The following IKZF3 variants were observed in gnomAD, a reference collection of about 807,000 sequenced individuals.
IKZF3 encodes IKAROS family zinc finger 3.
IKZF3 carries 10 observed loss-of-function variants against 49.0 expected under a neutral mutation model. That is an observed-to-expected ratio of 0.20 (90% CI 0.13 to 0.35). IKZF3 has a LOEUF of 0.35. Among genes scored for constraint, IKZF3 ranks in the 10% least tolerant of loss-of-function variants. The probability of loss-of-function intolerance (pLI) is 1.00; values close to 1 mark genes in which losing one functional copy is unlikely to be tolerated. For missense variants in IKZF3, 498 were observed against 664.8 expected (o/e 0.75, Z 2.76); for synonymous variants, 209 against 228.2 (o/e 0.92, Z 0.76).
chr17:39,843,200 A>T (rs1239269149), intron 1 of IKZF3, among the ~76,000 whole-genome samples: 1 of 152,180 alleles, frequency 6.6e-6, no homozygotes, highest in African/African-American at 2.4e-5. Context: ...ATGGGGTCTG[A>T]GGATTGAATG....
chr17:39,841,264 G>A (rs1475326694), intron 1 of IKZF3, among the ~76,000 whole-genome samples: 1 of 152,088 alleles, frequency 6.6e-6, no homozygotes, highest in Non-Finnish European at 1.5e-5. Context: ...ATGCAGGGAG[G>A]AGGACTGCCT....
chr17:39,844,346 T>A (rs2062565742), intron 1 of IKZF3, among the ~76,000 whole-genome samples: 1 of 152,194 alleles, frequency 6.6e-6, no homozygotes, highest in South Asian at 2.1e-4. Context: ...TTGTCTACAT[T>A]TCTCCTGTTA....
At chr17:39,779,646 G>GTTTTTTTT (rs138812490) in intron 6 of IKZF3, among the ~76,000 whole-genome samples, 35 of 117,740 alleles carry the variant, frequency 3.0e-4, no homozygotes, top group African/African-American at 4.6e-4. Flanking sequence ...TATATTCTTT[G>GTTTTTTTT]TTTTTTGTTT....
chr17:39,806,850 C>T (rs1161264429), intron 3 of IKZF3, among the ~76,000 whole-genome samples: 4 of 152,218 alleles, frequency 2.6e-5, no homozygotes, highest in African/African-American at 9.7e-5. Context: ...TTCCATCTCT[C>T]TCTCTCTTTC....
chr17:39,832,327 A>G (rs2062133030), intron 1 of IKZF3, among the ~76,000 whole-genome samples, 176 bp from the exon 2 acceptor site: 1 of 152,128 alleles, frequency 6.6e-6, no homozygotes. Context: ...AGCATGAAAA[A>G]AAAATATTGA....
At position 39,762,354 on chromosome 17, in the gene IKZF3, C is replaced by G. The variant is rs997726348; in HGVS notation, c.*3436G>C. 1 of 152,248 alleles carries G rather than the reference C, an allele frequency of 6.6e-6. No homozygotes were observed. Among genetic ancestry groups the G allele is most frequent in the Non-Finnish European group, 1.5e-5 (1 of 68,058 alleles). The allele number at this position is 152,248 out of a possible 1,614,324, so 9.4% of individuals were successfully genotyped here. A position where few individuals can be genotyped will look rare whatever the true frequency, so the allele number is the denominator to read the frequency against. On this transcript the variant is annotated 3_prime_UTR_variant, in exon 8 of 8. Transcript: ENST00000346872. ...CTGCATATCTGGTTCAACTTCAAGA[C>G]TTAAGGATGCAGAGTTTCCACACAT... is the stretch of plus-strand genomic sequence containing the variant.
At chr17:39,818,148 G>A (rs999834592) in intron 3 of IKZF3, among the ~76,000 whole-genome samples, 3 of 152,092 alleles carry the variant, frequency 2.0e-5, no homozygotes, top group African/African-American at 4.8e-5. Context: ...TAACACAATG[G>A]TAAGTATTTG....
chr17:39,825,494 T>C (rs577609194), intron 3 of IKZF3, among the ~76,000 whole-genome samples: 14 of 152,234 alleles, frequency 9.2e-5, no homozygotes, highest in East Asian at 5.8e-4. Flanking sequence ...CAGTTTAGGA[T>C]TGGCTAGTTT....
At chr17:39,792,459 T>A (rs2061049246) in intron 4 of IKZF3, among the ~76,000 whole-genome samples, 1 of 152,178 alleles carries the variant, frequency 6.6e-6, no homozygotes, top group Admixed American at 6.6e-5. Context: ...CTCTACAGTC[T>A]TTTTTTATTC....
At chr17:39,778,293 CTTTCTT>C (rs552696282) in intron 6 of IKZF3, 14 of 555,932 alleles carry the variant, frequency 2.5e-5, no homozygotes, top group Non-Finnish European at 3.2e-5. Flanking sequence ...TGAGTGGTTT[CTTTCTT>C]TTTCTTTTTC....
intron 1 of IKZF3, among the ~76,000 whole-genome samples, chr17:39,855,243 A>G (rs1262563853): frequency 2.6e-5 from 4 of 151,446 alleles, no homozygotes; most frequent in Admixed American, 6.6e-5. Context: ...CTGTTGCAAA[A>G]AAAACAAGTT....
At chr17:39,832,276 G>C in intron 1 of IKZF3, 125 bp from the exon 2 acceptor site, 2 of 611,580 alleles carry the variant, frequency 3.3e-6, no homozygotes, top group Non-Finnish European at 5.8e-6. Context: ...TTCAGAGCAA[G>C]ATTACTCTTT....
intron 1 of IKZF3, among the ~76,000 whole-genome samples, chr17:39,850,683 C>CTATATAGCATATTATATATGTATATATAA (rs1451733106): frequency 5.4e-4 from 1 of 1,856 alleles, no homozygotes; most frequent in Non-Finnish European, 9.5e-4. Flanking sequence ...TGTATATATA[C>CTATATAGCATATTATATATGTATATATAA]ACATATTATA....
intron 1 of IKZF3, among the ~76,000 whole-genome samples, chr17:39,833,607 C>G (rs1252558177): frequency 1.3e-5 from 2 of 152,100 alleles, no homozygotes; most frequent in African/African-American, 4.8e-5. Flanking sequence ...GTAGTTCATT[C>G]TTTTTTATTG....
chr17:39,832,650 T>C (rs936675202), intron 1 of IKZF3, among the ~76,000 whole-genome samples: 1 of 152,104 alleles, frequency 6.6e-6, no homozygotes, highest in African/African-American at 2.4e-5. Flanking sequence ...AAATATCACA[T>C]GTTCTCATTC....
At chr17:39,824,467 T>C (rs918692038) in intron 3 of IKZF3, among the ~76,000 whole-genome samples, 1 of 152,006 alleles carries the variant, frequency 6.6e-6, no homozygotes, top group Non-Finnish European at 1.5e-5. Context: ...GGAGGCATGA[T>C]TGTGTTTTGA....
At position 39,762,161 on chromosome 17, in the gene IKZF3, TG is replaced by T. The variant is rs2060198346; in HGVS notation, c.*3628del. The T allele has an allele frequency of 6.6e-6, 1 of 152,220 alleles. No individual in the cohort carries two copies. The highest frequency in any genetic ancestry group is 2.4e-5 in the African/African-American group (1 of 41,432). 9.4% of individuals were successfully genotyped at this position (152,220 alleles called of 1,614,324 possible). The stretch of plus-strand genomic sequence containing the variant: ...AGAAAGTACAGGTACTATCTGAAGC[TG>T]CTCCAGGGCTTCAGTGCCCAGCAGT... On this transcript the variant is annotated 3_prime_UTR_variant, in exon 8 of 8. Transcript: ENST00000346872.
chr17:39,850,289 T>C (rs534927922), intron 1 of IKZF3, among the ~76,000 whole-genome samples: 9 of 140,498 alleles, frequency 6.4e-5, no homozygotes, highest in South Asian at 2.2e-4. Context: ...ATATATAGTA[T>C]ATACAATATA....
At chr17:39,791,887 C>CTTT (rs1211244204) in intron 4 of IKZF3, among the ~76,000 whole-genome samples, 1,848 of 126,780 alleles carry the variant, frequency 0.015, 80 homozygotes, top group African/African-American at 0.054. Flanking sequence ...TTGGTACTCC[C>CTTT]TTTTTTTTTT....
Sources: allele counts gnomAD v4.1 joint callset (sites outside exome capture counted in the v4.1 genomes callset), GRCh38; gene constraint gnomAD v4.1.1; transcripts MANE v1.5; gene names NCBI Gene and HGNC (gene_info 2026-07-23, HGNC 2026-07-21).